Variants in FAM184B observed in about 807,000 individuals in gnomAD.
FAM184B encodes family with sequence similarity 184 member B.
Under a neutral mutation model 135.9 loss-of-function variants are expected in FAM184B, and 111 were observed. That is an observed-to-expected ratio of 0.82 (90% CI 0.70 to 0.96). The LOEUF (loss-of-function observed/expected upper bound fraction) is 0.96. FAM184B is among the 40% of genes least tolerant of loss of function. The pLI is 0.00. For synonymous variants in FAM184B, 552 were observed against 524.8 expected, an observed-to-expected ratio of 1.05 and a Z score of -0.71; for missense variants, 1,375 against 1,323.9, an observed-to-expected ratio of 1.04 and a Z score of -0.60.
chr4:17,703,938 A>T (rs1029290950), intron 5 of FAM184B, among the ~76,000 whole-genome samples: 1 of 151,834 alleles, frequency 6.6e-6, no homozygotes, highest in African/African-American at 2.4e-5. Context: ...TCAAAAAAAA[A>T]AAAAGCAAAA....
intron 1 of FAM184B, among the ~76,000 whole-genome samples, chr4:17,769,654 G>A (rs1489054220): frequency 6.6e-6 from 1 of 152,118 alleles, no homozygotes; most frequent in Non-Finnish European, 1.5e-5. Context: ...GACCTTTTGA[G>A]TTCAAGGCCA....
chr4:17,779,503 A>T (rs1336708664), intron 1 of FAM184B, among the ~76,000 whole-genome samples: 1 of 152,254 alleles, frequency 6.6e-6, no homozygotes, highest in Middle Eastern at 3.2e-3. Flanking sequence ...TGCTTGGCAC[A>T]TAATAGGTGT....
chr4:17,760,718 G>A (rs1358881320), intron 1 of FAM184B, among the ~76,000 whole-genome samples: 1 of 152,252 alleles, frequency 6.6e-6, no homozygotes, highest in South Asian at 2.1e-4. Flanking sequence ...AAAAGATCTC[G>A]GGGAAAATGG....
In FAM184B at chr4:17,709,215, G is replaced by A. The variant is rs1440506786; in HGVS notation, c.571C>T (p.Pro191Ser). The change falls in exon 2 of 18, where the codon CCG (proline) becomes TCG (serine). Residue 191 changes from proline (P) to serine (S), a missense_variant. Physicochemically the swap from Pro to Ser is moderately conservative, Grantham distance 74. Coordinates refer to ENST00000265018, the MANE Select transcript of FAM184B (RefSeq NM_015688.2). ...PETKSEPGQG[P>S]EMQEVLLEVQ... ...TCTAGCAGGACCTCCTGCATCTCCG[G>A]GCCCTGGCCTGGCTCCGACTTGGTT... 1.9e-6 allele frequency: 3 copies of A among 1,547,460 alleles called. No individual in the cohort carries two copies. The highest frequency in any genetic ancestry group is 2.0e-5 in the Admixed American group (1 of 50,856).
intron 1 of FAM184B, among the ~76,000 whole-genome samples, chr4:17,713,451 A>T (rs1453296579): frequency 6.6e-6 from 1 of 152,216 alleles, no homozygotes; most frequent in Non-Finnish European, 1.5e-5. Flanking sequence ...TGACCTTCTA[A>T]TGACTTCCAT....
At chr4:17,694,781 C>T (rs1367247303) in intron 5 of FAM184B, among the ~76,000 whole-genome samples, 2 of 152,118 alleles carry the variant, frequency 1.3e-5, no homozygotes, top group Non-Finnish European at 2.9e-5. Flanking sequence ...AAAAGACAGG[C>T]AGCAATCAAA....
intron 1 of FAM184B, among the ~76,000 whole-genome samples, chr4:17,711,497 C>CA (rs964726936): frequency 4.6e-5 from 7 of 151,616 alleles, no homozygotes; most frequent in African/African-American, 1.7e-4. Flanking sequence ...AAAACAAAAA[C>CA]AAAAACAAAA....
At chr4:17,748,120 A>AG (rs1351764094) in intron 1 of FAM184B, among the ~76,000 whole-genome samples, 29 of 147,524 alleles carry the variant, frequency 2.0e-4, no homozygotes, top group Admixed American at 6.1e-4. Flanking sequence ...AAAAAAAAAA[A>AG]AAAGAAAAGA....
chr4:17,694,276 C>A (rs944386932), intron 5 of FAM184B, among the ~76,000 whole-genome samples: 2 of 152,206 alleles, frequency 1.3e-5, no homozygotes, highest in African/African-American at 4.8e-5. Context: ...GTAATCCCAG[C>A]ACTTTGGGAG....
In FAM184B at chr4:17,688,419, G is replaced by T; in HGVS notation, c.1596+5C>A. The T allele has an allele frequency of 1.3e-6, 2 of 1,543,578 alleles. No homozygotes were observed. The highest frequency in any genetic ancestry group is 1.8e-6 in the Non-Finnish European group (2 of 1,142,222). On this transcript the variant is annotated splice_donor_5th_base_variant and intron_variant, in intron 7 of 17. Coordinates refer to ENST00000265018, the MANE Select transcript of FAM184B (RefSeq NM_015688.2). ...TTAATTAAATCTGACAAAGCTGGAGGTTACCTGGGTCTCCAGAATGCTGCA... is the reference window on the plus strand; with the variant it reads ...TTAATTAAATCTGACAAAGCTGGAGTTTACCTGGGTCTCCAGAATGCTGCA...
At position 17,781,479 on chromosome 4, in the gene FAM184B, C is replaced by A. The variant is rs887032498; in HGVS notation, c.-180G>T. ...AAGGTCTCCGCCTCCCGGGCCCACCCGCGCGCCCACCCTTTTTCCTCTCCT... is the reference window on the plus strand; with the variant it reads ...AAGGTCTCCGCCTCCCGGGCCCACCAGCGCGCCCACCCTTTTTCCTCTCCT... On this transcript the variant is annotated 5_prime_UTR_variant, in exon 1 of 18. Coordinates refer to ENST00000265018, the MANE Select transcript of FAM184B (RefSeq NM_015688.2). This position sits in a 1 kb window ranked among gnomAD's most constrained non-coding sequence, Gnocchi z 6.5. 2.9e-5 allele frequency: 20 copies of A among 700,286 alleles called. No homozygotes were observed. Among genetic ancestry groups the A allele is most frequent in the African/African-American group, 2.5e-4 (13 of 52,814 alleles). The allele number at this position is 700,286 out of a possible 1,614,324, so 43.4% of individuals were successfully genotyped here.
At chr4:17,728,473 T>C (rs1341781295) in intron 1 of FAM184B, among the ~76,000 whole-genome samples, 1 of 152,184 alleles carries the variant, frequency 6.6e-6, no homozygotes, top group Non-Finnish European at 1.5e-5. Flanking sequence ...TTTTGACTGC[T>C]GTGAGTTAAA....
chr4:17,639,477 C>T (rs751559062), intron 13 of FAM184B, 81 bp from the exon 14 acceptor site: 85 of 1,483,766 alleles, frequency 5.7e-5, no homozygotes, highest in African/African-American at 2.4e-4. Flanking sequence ...TTTCCCTCAT[C>T]GCTGCCCAGT....
At chr4:17,645,238 T>C (rs1369618608) in intron 12 of FAM184B, among the ~76,000 whole-genome samples, 1 of 152,072 alleles carries the variant, frequency 6.6e-6, no homozygotes, top group Non-Finnish European at 1.5e-5. Context: ...CTAAAGTTCA[T>C]ATGGATCCAA....
chr4:17,758,084 A>G (rs143985392), intron 1 of FAM184B, among the ~76,000 whole-genome samples: 28 of 152,330 alleles, frequency 1.8e-4, no homozygotes, highest in African/African-American at 6.0e-4. Context: ...CTGCTCAGCT[A>G]CTAACTAGCT....
intron 13 of FAM184B, among the ~76,000 whole-genome samples, chr4:17,639,948 C>G (rs556928486): frequency 1.4e-3 from 207 of 151,894 alleles, no homozygotes; most frequent in Middle Eastern, 3.4e-3. Context: ...CCTGCCTCAG[C>G]CTCCCAAGTG....
chr4:17,751,827 A>G (rs1273498025), intron 1 of FAM184B, among the ~76,000 whole-genome samples: 6 of 108,652 alleles, frequency 5.5e-5, no homozygotes, highest in Admixed American at 1.7e-4. Flanking sequence ...AACAAGGCAC[A>G]CACACACACA....
At chr4:17,695,673 T>G in intron 5 of FAM184B, among the ~76,000 whole-genome samples, 1 of 138,112 alleles carries the variant, frequency 7.2e-6, no homozygotes, top group Non-Finnish European at 1.6e-5. Context: ...AAAGGAGAGG[T>G]CAGGATGACA....
Position 17,709,576 on chromosome 4 carries a change from G to A in FAM184B, c.210C>T (p.His70=), listed in dbSNP as rs1002901986. Residue 70 remains histidine, a synonymous_variant, in exon 2 of 18, where the codon CAC becomes CAT. Coordinates refer to ENST00000265018, the MANE Select transcript of FAM184B (RefSeq NM_015688.2). The part of the protein sequence containing the change: ...EASMEALREA[H]QEELQNAVAE... Reference sequence around the variant, plus strand: ...CCACCGCATTCTGGAGCTCCTCCTGGTGCGCTTCCCGCAGCGCCTCCATGC... The same window carrying A: ...CCACCGCATTCTGGAGCTCCTCCTGATGCGCTTCCCGCAGCGCCTCCATGC... 1 of 1,549,210 alleles carries A rather than the reference G, an allele frequency of 6.5e-7. No homozygotes were observed. The highest frequency in any genetic ancestry group is 1.4e-5 in the African/African-American group (1 of 72,986).
Sources: gnomAD v4.1 joint callset for allele counts (sites outside exome capture counted in the v4.1 genomes callset) on GRCh38, gnomAD v4.1.1 for gene constraint, Gnocchi (gnomAD v3.1) non-coding constraint, MANE v1.5 for transcripts, NCBI Gene and HGNC (gene_info 2026-07-23, HGNC 2026-07-21) for gene names.